GPC5: variants seen among roughly 807,000 people sequenced by gnomAD.
The protein encoded by GPC5 is glypican-5.
A neutral mutation model predicts 53.9 loss-of-function variants in GPC5; 47 were observed. The observed-to-expected ratio is 0.87, with a 90% CI of 0.69 to 1.11. The LOEUF (loss-of-function observed/expected upper bound fraction) is 1.11. GPC5 is among the 50% of genes most tolerant of loss of function. The pLI, the probability that GPC5 is intolerant of heterozygous loss-of-function variation, is 0.00. For missense variants in GPC5, 748 were observed against 713.1 expected (o/e 1.05, Z -0.56); for synonymous variants, 286 against 263.3 (o/e 1.09, Z -0.84).
intron 7 of GPC5, among the ~76,000 whole-genome samples, chr13:92,834,119 G>C (rs74799780): frequency 6.6e-6 from 1 of 152,056 alleles, no homozygotes; most frequent in African/African-American, 2.4e-5. Flanking sequence ...CAAATTTAGC[G>C]AGACTCCGTG....
At chr13:92,581,950 A>G (rs1014312928) in intron 7 of GPC5, among the ~76,000 whole-genome samples, 1 of 152,132 alleles carries the variant, frequency 6.6e-6, no homozygotes, top group Non-Finnish European at 1.5e-5. Flanking sequence ...TTTGGATATC[A>G]ACGCATTACC....
chr13:91,414,850 G>C lies in GPC5; in HGVS notation c.163+15641G>C, dbSNP rs574590831. 4.6e-5 allele frequency among the ~76,000 whole-genome samples: 7 copies of C among 152,268 alleles called. No homozygotes were observed. The East Asian group carries it at 7.7e-4, about 17-fold the overall frequency. ...TCCAACTAACTATGAAGGTGGGTTG[G>C]GGGGTGGAGGAGAAGGTCTTAGAAA... is the stretch of plus-strand genomic sequence containing the variant. On this transcript the variant is annotated intron_variant, in intron 1 of 7. Transcript: ENST00000377067.
chr13:91,539,963 C>T (rs1422140758), intron 2 of GPC5, among the ~76,000 whole-genome samples: 1 of 152,040 alleles, frequency 6.6e-6, no homozygotes, highest in Non-Finnish European at 1.5e-5. Flanking sequence ...TAAGACATTC[C>T]TTTCATGTAT....
chr13:92,208,611 C>T (rs747503120), intron 7 of GPC5, among the ~76,000 whole-genome samples: 115 of 152,072 alleles, frequency 7.6e-4, no homozygotes, highest in Non-Finnish European at 1.2e-3. Flanking sequence ...AAGAAAATTG[C>T]TTTAACTACT....
rs61966641 is a variant in GPC5 at position 92,341,717 on chromosome 13, C to G, written c.1561+196728C>G. 8.8e-3 allele frequency among the ~76,000 whole-genome samples: 1,334 copies of G among 151,894 alleles called. 11 individuals are homozygous for G. Among genetic ancestry groups the G allele is most frequent in the Non-Finnish European group, 0.015 (1,018 of 67,944 alleles). On this transcript the variant is annotated intron_variant, in intron 7 of 7. Coordinates refer to ENST00000377067, the MANE Select transcript of GPC5 (RefSeq NM_004466.6). ...GTTGAGAAGGGAGAATTGCTTGAGT[C>G]CAGGAGTTCCAGACCAGCATTAGCA...
At chr13:92,837,436 G>C (rs1007097512) in intron 7 of GPC5, among the ~76,000 whole-genome samples, 4 of 152,154 alleles carry the variant, frequency 2.6e-5, no homozygotes, top group African/African-American at 9.7e-5. Flanking sequence ...AAGATGAGTT[G>C]ATTTATATAG....
At chr13:91,785,876 C>T (rs1393289522) in intron 5 of GPC5, among the ~76,000 whole-genome samples, 1 of 152,184 alleles carries the variant, frequency 6.6e-6, no homozygotes, top group East Asian at 1.9e-4. Flanking sequence ...GCTGAGATTC[C>T]ATTAATTCCA....
At chr13:91,989,125 G>A (rs867126103) in intron 6 of GPC5, among the ~76,000 whole-genome samples, 13 of 152,222 alleles carry the variant, frequency 8.5e-5, no homozygotes, top group Middle Eastern at 3.4e-3. Flanking sequence ...TGTTAGATTG[G>A]AGCCTCAGTG....
At chr13:92,721,168 AGG>A (rs1375726424) in intron 7 of GPC5, among the ~76,000 whole-genome samples, 5 of 152,002 alleles carry the variant, frequency 3.3e-5, no homozygotes, top group Non-Finnish European at 7.4e-5. Flanking sequence ...CCTGGTGCAC[AGG>A]GAAGATGACC....
chr13:92,704,843 T>C lies in GPC5; in HGVS notation c.1562-161439T>C, dbSNP rs534597221. 4.7e-5 allele frequency among the ~76,000 whole-genome samples: 5 copies of C among 106,172 alleles called. No homozygotes were observed. The Admixed American group carries it at 5.6e-4, about 12-fold the overall frequency. 69.7% of individuals were successfully genotyped at this position (106,172 alleles called of 152,430 possible). ...CTTACATATATATACACACACACTC[T>C]TAGTGTGTAAATATATGAGTGTATA... On this transcript the variant is annotated intron_variant, in intron 7 of 7. Transcript: ENST00000377067.
intron 6 of GPC5, among the ~76,000 whole-genome samples, chr13:92,130,179 A>C (rs554691624): frequency 4.9e-4 from 74 of 152,200 alleles, no homozygotes; most frequent in African/African-American, 1.6e-3. Flanking sequence ...AGTGAAAAAC[A>C]CAAAAGTGAG....
At chr13:92,597,972 G>A (rs1296878652) in intron 7 of GPC5, among the ~76,000 whole-genome samples, 1 of 152,070 alleles carries the variant, frequency 6.6e-6, no homozygotes, top group African/African-American at 2.4e-5. Context: ...TGAATATCAA[G>A]GCCAAATTTG....
chr13:91,830,444 A>T (rs1456394579), intron 5 of GPC5, among the ~76,000 whole-genome samples: 1 of 151,990 alleles, frequency 6.6e-6, no homozygotes, highest in Non-Finnish European at 1.5e-5. Flanking sequence ...CATCCTCCTC[A>T]GCTGACAGGA....
At chr13:91,579,086 T>C (rs2032249599) in intron 2 of GPC5, among the ~76,000 whole-genome samples, 1 of 152,178 alleles carries the variant, frequency 6.6e-6, no homozygotes, top group African/African-American at 2.4e-5. Flanking sequence ...AGGTTTACTT[T>C]GGAAAAGAAA....
At chr13:92,385,524 GCATATATA>G (rs1301469603) in intron 7 of GPC5, among the ~76,000 whole-genome samples, 36 of 34,254 alleles carry the variant, frequency 1.1e-3, no homozygotes, top group African/African-American at 4.4e-3. Flanking sequence ...ACATACATAT[GCATATATA>G]CATATATGCA....
At chr13:91,956,029 A>G (rs998623812) in intron 6 of GPC5, among the ~76,000 whole-genome samples, 1 of 151,348 alleles carries the variant, frequency 6.6e-6, no homozygotes, top group East Asian at 2.0e-4. Context: ...AAAGCCAACC[A>G]CCCTCCCCAG....
chr13:92,716,527 C>G (rs942407051), intron 7 of GPC5, among the ~76,000 whole-genome samples: 1 of 151,926 alleles, frequency 6.6e-6, no homozygotes, highest in Non-Finnish European at 1.5e-5. Context: ...TTTTCTGTCT[C>G]CCTATTAGAC....
At chr13:92,156,271 A>T (rs1466570020) in intron 7 of GPC5, among the ~76,000 whole-genome samples, 1 of 152,124 alleles carries the variant, frequency 6.6e-6, no homozygotes, top group Non-Finnish European at 1.5e-5. Flanking sequence ...AACTTGGCAG[A>T]TTTTAAGCTT....
intron 7 of GPC5, among the ~76,000 whole-genome samples, chr13:92,591,245 C>G (rs945499009): frequency 6.6e-6 from 1 of 152,102 alleles, no homozygotes; most frequent in African/African-American, 2.4e-5. Context: ...CGTTTCCCCT[C>G]CAGAAGCTTT....
Sources: gnomAD v4.1 joint callset for allele counts (sites outside exome capture counted in the v4.1 genomes callset) on GRCh38, gnomAD v4.1.1 for gene constraint, MANE v1.5 for transcripts, NCBI Gene and HGNC (gene_info 2026-07-23, HGNC 2026-07-21) for gene names.